HEMK2: variants seen among roughly 807,000 people sequenced by gnomAD.
HEMK2 encodes methyltransferase HEMK2.
the HEMK2 span, among the ~76,000 whole-genome samples, chr21:28,879,531 C>A: frequency 6.6e-6 from 1 of 152,204 alleles, no homozygotes; most frequent in Non-Finnish European, 1.5e-5. Flanking sequence ...TGGGCCATTG[C>A]ACTCGGCCAG....
chr21:28,769,942 C>G, the HEMK2 span, among the ~76,000 whole-genome samples: 2 of 152,092 alleles, frequency 1.3e-5, no homozygotes, highest in African/African-American at 4.8e-5. Context: ...TGCCTTTGGG[C>G]TAATGAATTA....
the HEMK2 span, among the ~76,000 whole-genome samples, chr21:28,675,414 G>A: frequency 5.9e-5 from 9 of 152,142 alleles, no homozygotes; most frequent in African/African-American, 2.2e-4. Context: ...GAAAACTCGT[G>A]ATCTAACTGT....
chr21:28,617,154 A>G, the HEMK2 span, among the ~76,000 whole-genome samples: 1 of 152,234 alleles, frequency 6.6e-6, no homozygotes, highest in South Asian at 2.1e-4. Flanking sequence ...GGTGGTCTGG[A>G]ATAGCCTTGC....
chr21:28,664,932 T>C, the HEMK2 span, among the ~76,000 whole-genome samples: 7 of 152,160 alleles, frequency 4.6e-5, no homozygotes, highest in Non-Finnish European at 1.0e-4. Flanking sequence ...ACTCCTAAGC[T>C]TTTCAATTCA....
At chr21:28,598,692 G>A in the HEMK2 span, among the ~76,000 whole-genome samples, 1 of 152,154 alleles carries the variant, frequency 6.6e-6, no homozygotes, top group Non-Finnish European at 1.5e-5. Context: ...TATTGAGCCT[G>A]AGGGTGATCC....
chr21:28,579,142 T>TGGA, the HEMK2 span, among the ~76,000 whole-genome samples: 1 of 152,166 alleles, frequency 6.6e-6, no homozygotes, highest in Non-Finnish European at 1.5e-5. Context: ...ATGCAAGTGA[T>TGGA]TTTTGACCAT....
the HEMK2 span, among the ~76,000 whole-genome samples, chr21:28,605,984 T>C: frequency 6.6e-6 from 1 of 152,120 alleles, no homozygotes; most frequent in Non-Finnish European, 1.5e-5. Flanking sequence ...TTGGCCAATA[T>C]GTTAAAGTAA....
the HEMK2 span, among the ~76,000 whole-genome samples, chr21:28,643,177 T>C: frequency 6.6e-6 from 1 of 152,200 alleles, no homozygotes; most frequent in East Asian, 1.9e-4. Context: ...CAACCACTTA[T>C]TGCACTTGCT....
At chr21:28,866,017 G>A in the HEMK2 span, among the ~76,000 whole-genome samples, 1 of 151,404 alleles carries the variant, frequency 6.6e-6, no homozygotes, top group African/African-American at 2.4e-5. Context: ...AATAGTATAA[G>A]TTTTGGCAGG....
chr21:28,755,233 A>G, the HEMK2 span, among the ~76,000 whole-genome samples: 1 of 152,210 alleles, frequency 6.6e-6, no homozygotes. Context: ...AACAAAAGGA[A>G]GGGTATCATT....
At chr21:28,652,058 A>G in the HEMK2 span, among the ~76,000 whole-genome samples, 1 of 152,184 alleles carries the variant, frequency 6.6e-6, no homozygotes, top group South Asian at 2.1e-4. Flanking sequence ...ATTTTTTCCT[A>G]TGGAGGTAAA....
chr21:28,692,398 A>C, the HEMK2 span, among the ~76,000 whole-genome samples: 9 of 152,266 alleles, frequency 5.9e-5, no homozygotes, highest in Non-Finnish European at 8.8e-5. Flanking sequence ...ATATGAAGCT[A>C]TATGCAATGA....
At chr21:28,788,759 T>C in the HEMK2 span, among the ~76,000 whole-genome samples, 1 of 151,534 alleles carries the variant, frequency 6.6e-6, no homozygotes, top group South Asian at 2.1e-4. Context: ...AGTATTCATG[T>C]CCACCAGACT....
At chr21:28,660,653 A>G in the HEMK2 span, among the ~76,000 whole-genome samples, 544 of 151,974 alleles carry the variant, frequency 3.6e-3, 10 homozygotes, top group East Asian at 0.022. Context: ...TTGGTTAGTG[A>G]TTATTTTGTT....
chr21:28,796,017 C>T, the HEMK2 span, among the ~76,000 whole-genome samples: 2 of 152,194 alleles, frequency 1.3e-5, no homozygotes, highest in Non-Finnish European at 2.9e-5. Context: ...TGCCCTCTAC[C>T]TCCTGTTTTC....
chr21:28,665,162 A>G, the HEMK2 span, among the ~76,000 whole-genome samples: 1 of 150,626 alleles, frequency 6.6e-6, no homozygotes, highest in Non-Finnish European at 1.5e-5. Context: ...GCATGCACCT[A>G]TGGGTCTCAG....
chr21:28,811,103 C>G, the HEMK2 span, among the ~76,000 whole-genome samples: 1 of 151,984 alleles, frequency 6.6e-6, no homozygotes, highest in Non-Finnish European at 1.5e-5. Context: ...AGACATAGGC[C>G]AGGCACAATG....
At chr21:28,882,848 GGAA>G in the HEMK2 span, 1 of 471,160 alleles carries the variant, frequency 2.1e-6, no homozygotes, top group African/African-American at 2.0e-5. Flanking sequence ...TAATTTTTAG[GGAA>G]GCATAGTTTG....
chr21:28,629,695 T>C, the HEMK2 span, among the ~76,000 whole-genome samples: 1 of 152,202 alleles, frequency 6.6e-6, no homozygotes, highest in Admixed American at 6.5e-5. Context: ...AGCTGCCATC[T>C]CTAATTTAAA....
Sources: gnomAD v4.1 joint callset for allele counts (sites outside exome capture counted in the v4.1 genomes callset) on GRCh38, gnomAD v4.1.1 for gene constraint, MANE v1.5 for transcripts, NCBI Gene and HGNC (gene_info 2026-07-23, HGNC 2026-07-21) for gene names.